Variants in HEMK2 observed in about 807,000 individuals in gnomAD.
HEMK2 encodes methyltransferase HEMK2.
the HEMK2 span, among the ~76,000 whole-genome samples, chr21:28,710,326 G>C: frequency 1.3e-5 from 2 of 152,114 alleles, no homozygotes; most frequent in Non-Finnish European, 1.5e-5. Flanking sequence ...AATATGATTT[G>C]GAAATAGAAA....
At chr21:28,591,520 A>T in the HEMK2 span, among the ~76,000 whole-genome samples, 2 of 152,234 alleles carry the variant, frequency 1.3e-5, no homozygotes, top group South Asian at 4.1e-4. Flanking sequence ...TCCATCAGTA[A>T]GTTGAACAAG....
At chr21:28,661,183 A>G in the HEMK2 span, among the ~76,000 whole-genome samples, 3 of 151,978 alleles carry the variant, frequency 2.0e-5, no homozygotes, top group Admixed American at 6.6e-5. Flanking sequence ...ATTTTCTTCT[A>G]TCTTTGATGT....
At chr21:28,641,927 C>G in the HEMK2 span, among the ~76,000 whole-genome samples, 1 of 152,182 alleles carries the variant, frequency 6.6e-6, no homozygotes, top group Non-Finnish European at 1.5e-5. Flanking sequence ...AGGATAAATT[C>G]TCTCCCACAA....
the HEMK2 span, among the ~76,000 whole-genome samples, chr21:28,747,789 G>A: frequency 1.3e-5 from 2 of 152,290 alleles, no homozygotes; most frequent in Non-Finnish European, 2.9e-5. Context: ...TTTGCAACAA[G>A]GTGCTTTCAG....
At chr21:28,880,502 C>A in the HEMK2 span, among the ~76,000 whole-genome samples, 2 of 152,068 alleles carry the variant, frequency 1.3e-5, no homozygotes, top group Admixed American at 6.6e-5. Flanking sequence ...GAGGCCGAGG[C>A]GGGCGGATCA....
the HEMK2 span, among the ~76,000 whole-genome samples, chr21:28,687,403 T>C: frequency 5.9e-5 from 9 of 152,236 alleles, no homozygotes; most frequent in Non-Finnish European, 8.8e-5. Flanking sequence ...AAATTTGTCC[T>C]ACAGAAACTT....
At chr21:28,818,092 A>T in the HEMK2 span, among the ~76,000 whole-genome samples, 1 of 152,148 alleles carries the variant, frequency 6.6e-6, no homozygotes, top group Admixed American at 6.5e-5. Flanking sequence ...TTGAGTCAGT[A>T]GACTTGGGAA....
chr21:28,877,306 GA>G, the HEMK2 span, among the ~76,000 whole-genome samples: 1 of 37,286 alleles, frequency 2.7e-5, no homozygotes, highest in African/African-American at 6.4e-5. Context: ...GGAAGAGAGA[GA>G]GAAAGAGAGA....
chr21:28,837,600 G>A, the HEMK2 span, among the ~76,000 whole-genome samples: 1 of 152,010 alleles, frequency 6.6e-6, no homozygotes, highest in East Asian at 1.9e-4. Context: ...GACTGAAAGA[G>A]CACAAACTGA....
At chr21:28,576,868 A>G in the HEMK2 span, among the ~76,000 whole-genome samples, 117,091 of 152,052 alleles carry the variant, frequency 0.77, 45,988 homozygotes, top group Non-Finnish European at 0.81. Flanking sequence ...CTGCCACCAT[A>G]CCTGGCTAAT....
At chr21:28,863,973 G>A in the HEMK2 span, among the ~76,000 whole-genome samples, 1 of 152,120 alleles carries the variant, frequency 6.6e-6, no homozygotes, top group Non-Finnish European at 1.5e-5. Context: ...GACTACAGGT[G>A]TGTACCACCA....
chr21:28,705,943 T>C, the HEMK2 span, among the ~76,000 whole-genome samples: 2 of 152,212 alleles, frequency 1.3e-5, no homozygotes, highest in Non-Finnish European at 2.9e-5. Context: ...TGTCTGCTCT[T>C]AAGATTAGCT....
chr21:28,577,932 A>C, the HEMK2 span, among the ~76,000 whole-genome samples: 1 of 152,158 alleles, frequency 6.6e-6, no homozygotes, highest in African/African-American at 2.4e-5. Context: ...ATGATCTTTT[A>C]ATTGGCTCCC....
the HEMK2 span, among the ~76,000 whole-genome samples, chr21:28,798,925 TG>T: frequency 4.7e-4 from 71 of 152,322 alleles, no homozygotes; most frequent in African/African-American, 1.6e-3. Context: ...TAATTTGAGA[TG>T]TCTGTGCCTT....
At chr21:28,598,613 G>A in the HEMK2 span, among the ~76,000 whole-genome samples, 163 of 152,270 alleles carry the variant, frequency 1.1e-3, no homozygotes, top group Non-Finnish European at 1.9e-3. Context: ...TCCTTTTACT[G>A]TAAGAAACCA....
At chr21:28,669,307 C>A in the HEMK2 span, among the ~76,000 whole-genome samples, 4 of 151,604 alleles carry the variant, frequency 2.6e-5, no homozygotes, top group Admixed American at 1.3e-4. Context: ...TGCAGTGAGC[C>A]GAGATCACAC....
chr21:28,626,227 C>T, the HEMK2 span, among the ~76,000 whole-genome samples: 262 of 151,800 alleles, frequency 1.7e-3, 2 homozygotes, highest in Admixed American at 0.015. Context: ...AACTATTATG[C>T]GGTTATTGCA....
the HEMK2 span, among the ~76,000 whole-genome samples, chr21:28,811,601 T>C: frequency 7.2e-5 from 11 of 152,314 alleles, no homozygotes; most frequent in Non-Finnish European, 1.0e-4. Context: ...ACAGAGCAGA[T>C]AGATTTGGGA....
the HEMK2 span, among the ~76,000 whole-genome samples, chr21:28,646,448 G>C: frequency 7.9e-5 from 12 of 152,138 alleles, no homozygotes; most frequent in African/African-American, 2.9e-4. Flanking sequence ...CATTGACCTT[G>C]TCCTACCTCC....
Sources: allele counts gnomAD v4.1 joint callset (sites outside exome capture counted in the v4.1 genomes callset), GRCh38; gene constraint gnomAD v4.1.1; transcripts MANE v1.5; gene names NCBI Gene and HGNC (gene_info 2026-07-23, HGNC 2026-07-21).